ATXN7: variants seen among roughly 807,000 people sequenced by gnomAD.
The protein encoded by ATXN7 is ataxin 7.
ATXN7 carries 12 observed loss-of-function variants against 70.5 expected under a neutral mutation model. That is an observed-to-expected ratio of 0.17 (90% CI 0.11 to 0.28). The LOEUF (loss-of-function observed/expected upper bound fraction) is 0.28. Among genes scored for constraint, ATXN7 ranks in the 10% least tolerant of loss-of-function variants. The pLI is 1.00. For synonymous variants in ATXN7, 498 were observed against 448.7 expected (o/e 1.11, Z -1.39); for missense variants, 1,256 against 1,131.7 (o/e 1.11, Z -1.58).
In ATXN7 at chr3:63,995,724, G is replaced by A. The variant is rs376825363; in HGVS notation, c.1902G>A (p.Ala634=). 4.5e-5 allele frequency: 73 copies of A among 1,614,076 alleles called. No individual in the cohort carries two copies. The African/African-American group carries it at 7.7e-4, about 17-fold the overall frequency. ...ATGCACAGCCTGCTGCTTCAGGGGC[G>A]ATGGATCCTGTGTGCAGTATGCAAT... ...TLNAQPAASG[A]MDPVCSMQSR... The change falls in exon 12 of 13, where the codon GCG becomes GCA. Residue 634 remains alanine (A), a synonymous_variant. Coordinates refer to ENST00000674280, the MANE Select transcript of ATXN7 (RefSeq NM_001377405.1).
chr3:63,898,660 T>C (rs773502516), intron 2 of ATXN7, among the ~76,000 whole-genome samples, 163 bp downstream of exon 2: 2 of 152,194 alleles, frequency 1.3e-5, no homozygotes, highest in Non-Finnish European at 2.9e-5. Flanking sequence ...AAAAATAAAA[T>C]GACAATGAGT....
At chr3:63,918,555 C>G (rs989624860) in intron 4 of ATXN7, among the ~76,000 whole-genome samples, 1 of 152,196 alleles carries the variant, frequency 6.6e-6, no homozygotes, top group African/African-American at 2.4e-5. Flanking sequence ...ACAAACTCTG[C>G]CCTACTCCCC....
intron 4 of ATXN7, among the ~76,000 whole-genome samples, chr3:63,937,733 A>T (rs926210199): frequency 2.0e-5 from 3 of 152,182 alleles, no homozygotes; most frequent in South Asian, 4.1e-4. Context: ...GTATCATTGC[A>T]TGCTGGTTAG....
chr3:63,956,286 C>A (rs2075037043), intron 5 of ATXN7, among the ~76,000 whole-genome samples: 1 of 151,704 alleles, frequency 6.6e-6, no homozygotes, highest in African/African-American at 2.4e-5. Context: ...AAAAAATAAG[C>A]CAGGCGTGGT....
intron 1 of ATXN7, among the ~76,000 whole-genome samples, chr3:63,871,219 T>G (rs1471782921): frequency 6.6e-6 from 1 of 152,176 alleles, no homozygotes; most frequent in African/African-American, 2.4e-5. Context: ...GTAGGATTTT[T>G]CCCCCTCCAA....
chr3:63,928,376 A>G (rs1028911381), intron 4 of ATXN7, among the ~76,000 whole-genome samples: 1 of 151,732 alleles, frequency 6.6e-6, no homozygotes, highest in Admixed American at 6.6e-5. Context: ...ACATGTGACA[A>G]ATCCTTATAG....
intron 4 of ATXN7, among the ~76,000 whole-genome samples, chr3:63,932,852 C>T (rs1489204597): frequency 6.6e-6 from 1 of 152,106 alleles, no homozygotes; most frequent in East Asian, 1.9e-4. Context: ...TTGTGTTCAG[C>T]CATAGGGAGA....
At chr3:63,956,170 G>C (rs137917364) in intron 5 of ATXN7, among the ~76,000 whole-genome samples, 4 of 152,210 alleles carry the variant, frequency 2.6e-5, no homozygotes, top group Middle Eastern at 6.8e-3. Flanking sequence ...ATGATTTCTT[G>C]ATGTTGTTTT....
chr3:63,950,533 A>C lies in ATXN7; in HGVS notation c.395-1846A>C, dbSNP rs539254565. 2.6e-5 allele frequency among the ~76,000 whole-genome samples: 4 copies of C among 152,342 alleles called. No homozygotes were observed. The South Asian group carries it at 8.3e-4, about 32-fold the overall frequency. ...TCTATCTCACACTCTTCAGTTGTAA[A>C]TTATGAATGTTATACCAGTTCTGTA... On this transcript the variant is annotated intron_variant, in intron 4 of 12. Transcript: ENST00000674280.
intron 8 of ATXN7, among the ~76,000 whole-genome samples, chr3:63,984,088 T>C (rs1388546495): frequency 6.6e-6 from 1 of 152,172 alleles, no homozygotes; most frequent in Non-Finnish European, 1.5e-5. Context: ...GGGAAATTTT[T>C]AAGTGGTTCT....
intron 12 of ATXN7, chr3:63,997,705 G>C: frequency 6.4e-7 from 1 of 1,551,116 alleles, no homozygotes; most frequent in East Asian, 2.4e-5. Flanking sequence ...TCTTTTTCAT[G>C]ATTTTTTTTC....
chr3:63,997,956 G>C, intron 12 of ATXN7: 1 of 985,404 alleles, frequency 1.0e-6, no homozygotes, highest in Non-Finnish European at 1.2e-6. Context: ...CAAATGAGAA[G>C]TGTGCTTTTC....
At chr3:63,882,643 C>T (rs1702950556) in intron 1 of ATXN7, among the ~76,000 whole-genome samples, 1 of 152,068 alleles carries the variant, frequency 6.6e-6, no homozygotes, top group African/African-American at 2.4e-5. Flanking sequence ...GCCTTGGCCT[C>T]CCAAAGTGCT....
At chr3:63,900,332 A>T (rs1193709254) in intron 2 of ATXN7, among the ~76,000 whole-genome samples, 1 of 152,224 alleles carries the variant, frequency 6.6e-6, no homozygotes, top group East Asian at 1.9e-4. Flanking sequence ...AACACGTAAA[A>T]GATAATATTT....
At position 63,907,062 on chromosome 3, in the gene ATXN7, C is replaced by T. The variant is rs138163008; in HGVS notation, c.-11-5526C>T. On this transcript the variant is annotated intron_variant, in intron 2 of 12. Coordinates refer to ENST00000674280, the MANE Select transcript of ATXN7 (RefSeq NM_001377405.1). Reference sequence around the variant, plus strand: ...ATTAGAATTAGGGCTTACTATGTGACAAGCATGGTGCTAATAGTAATAGCT... The same window carrying T: ...ATTAGAATTAGGGCTTACTATGTGATAAGCATGGTGCTAATAGTAATAGCT... Among the ~76,000 whole-genome samples, 375 of 152,354 alleles carry T rather than the reference C, an allele frequency of 2.5e-3. 4 individuals are homozygous for T. Among genetic ancestry groups the T allele is most frequent in the Non-Finnish European group, 4.2e-3 (286 of 68,046 alleles).
At chr3:63,925,253 T>C (rs920669921) in intron 4 of ATXN7, among the ~76,000 whole-genome samples, 1 of 152,128 alleles carries the variant, frequency 6.6e-6, no homozygotes, top group African/African-American at 2.4e-5. Context: ...CAGTCAAGGA[T>C]ACAGGGATAC....
At position 63,982,451 on chromosome 3, in the gene ATXN7, T is replaced by C. The variant is rs761890427; in HGVS notation, c.1012+6T>C. The stretch of plus-strand genomic sequence containing the variant: ...TTTAAATAAGAGATTATCAGGTAAC[T>C]TCAAATTTTCTTTCTTCATAATGCT... On this transcript the variant is annotated splice_donor_region_variant and intron_variant, in intron 7 of 12. Transcript: ENST00000674280. 5 of 1,586,594 alleles carry C rather than the reference T, an allele frequency of 3.2e-6. No homozygotes were observed. The highest frequency in any genetic ancestry group is 2.2e-5 in the South Asian group (2 of 89,150).
chr3:63,914,220 C>G (rs1424970304), intron 4 of ATXN7, among the ~76,000 whole-genome samples: 1 of 152,146 alleles, frequency 6.6e-6, no homozygotes, highest in Non-Finnish European at 1.5e-5. Context: ...TTTTTAAGTC[C>G]AAAGTTTGCC....
chr3:63,959,201 C>T (rs183067362), intron 5 of ATXN7, among the ~76,000 whole-genome samples: 58 of 152,296 alleles, frequency 3.8e-4, no homozygotes, highest in African/African-American at 1.3e-3. Flanking sequence ...GTATGAGACT[C>T]GTAGCATTTT....
Sources: gnomAD v4.1 joint callset for allele counts (sites outside exome capture counted in the v4.1 genomes callset) on GRCh38, gnomAD v4.1.1 for gene constraint, MANE v1.5 for transcripts, NCBI Gene and HGNC (gene_info 2026-07-23, HGNC 2026-07-21) for gene names.